SPATA13: variants seen among roughly 807,000 people sequenced by gnomAD.
The protein encoded by SPATA13 is spermatogenesis-associated protein 13.
Under a neutral mutation model 104.0 loss-of-function variants are expected in SPATA13, and 50 were observed. The observed-to-expected ratio is 0.48, with a 90% confidence interval of 0.38 to 0.61. The LOEUF (loss-of-function observed/expected upper bound fraction) is 0.61. Among genes scored for constraint, SPATA13 ranks in the 20% least tolerant of loss-of-function variants. The pLI is 0.00. For missense variants in SPATA13, 1,524 were observed against 1,690.6 expected (o/e 0.90, Z 1.73); for synonymous variants, 606 against 667.5 (o/e 0.91, Z 1.42).
chr13:23,983,249 C>T (rs918414802), intron 1 of SPATA13, among the ~76,000 whole-genome samples: 3 of 152,120 alleles, frequency 2.0e-5, no homozygotes, highest in Non-Finnish European at 2.9e-5. Context: ...TTTCTGACGC[C>T]GCGCTCCTTG....
intron 4 of SPATA13, among the ~76,000 whole-genome samples, chr13:24,268,742 G>C (rs1392266505): frequency 6.6e-6 from 1 of 152,212 alleles, no homozygotes; most frequent in Non-Finnish European, 1.5e-5. Context: ...CTGAGTGACA[G>C]AGCAAGACTC....
At chr13:24,301,646 C>T (rs893661766) in intron 12 of SPATA13, among the ~76,000 whole-genome samples, 11 of 152,178 alleles carry the variant, frequency 7.2e-5, no homozygotes, top group Admixed American at 2.0e-4. Flanking sequence ...CCTGCCACCT[C>T]GGGAGGTAGG....
At chr13:24,292,535 T>C (rs375319934) in intron 9 of SPATA13, among the ~76,000 whole-genome samples, 22 of 152,094 alleles carry the variant, frequency 1.4e-4, no homozygotes, top group African/African-American at 5.1e-4. Context: ...TCTCAAAGGG[T>C]CCTAATGAGA....
chr13:24,279,982 G>GT (rs1457407384), intron 4 of SPATA13, among the ~76,000 whole-genome samples: 1 of 152,212 alleles, frequency 6.6e-6, no homozygotes, highest in Non-Finnish European at 1.5e-5. Flanking sequence ...AACCTCTCTT[G>GT]TGATTAACCT....
chr13:24,127,886 C>G (rs1036203760), intron 3 of SPATA13, among the ~76,000 whole-genome samples: 2 of 152,164 alleles, frequency 1.3e-5, no homozygotes, highest in Non-Finnish European at 2.9e-5. Context: ...CTCTTCCTAC[C>G]GAATTGAGTT....
chr13:24,240,224 C>T (rs2138643013), intron 2 of SPATA13, among the ~76,000 whole-genome samples: 1 of 151,888 alleles, frequency 6.6e-6, no homozygotes, highest in Middle Eastern at 3.4e-3. Flanking sequence ...TGCACCACTG[C>T]ACTGCAGCCT....
At chr13:24,289,946 G>A (rs75989747) in intron 8 of SPATA13, among the ~76,000 whole-genome samples, 5,857 of 152,288 alleles carry the variant, frequency 0.038, 158 homozygotes, top group Non-Finnish European at 0.055. Context: ...TTAAGTGGCT[G>A]GGCATAATGT....
chr13:24,111,170 A>G (rs958502865), intron 3 of SPATA13, among the ~76,000 whole-genome samples: 1 of 151,952 alleles, frequency 6.6e-6, no homozygotes. Flanking sequence ...TTGACCTCCC[A>G]AAGAGGCCAG....
intron 3 of SPATA13, among the ~76,000 whole-genome samples, chr13:24,091,573 G>T (rs1433681775): frequency 6.6e-6 from 1 of 152,204 alleles, no homozygotes; most frequent in Non-Finnish European, 1.5e-5. Flanking sequence ...CCTTTGGGAG[G>T]CCAAGGCAGG....
chr13:24,105,226 G>C (rs1340386686), intron 3 of SPATA13, among the ~76,000 whole-genome samples: 1 of 152,080 alleles, frequency 6.6e-6, no homozygotes, highest in Non-Finnish European at 1.5e-5. Context: ...AGGCTCGATG[G>C]ATTTTCCCAC....
chr13:24,157,990 G>A (rs12585569), upstream of SPATA13, among the ~76,000 whole-genome samples: 57 of 152,296 alleles, frequency 3.7e-4, no homozygotes, highest in East Asian at 0.01. Context: ...TGTAAACAAC[G>A]TGGCATAAGT....
chr13:24,272,565 C>T (rs1372166379), intron 4 of SPATA13: 1 of 152,254 alleles, frequency 6.6e-6, no homozygotes, highest in East Asian at 1.9e-4. Context: ...CTCTGAAAGA[C>T]CCTGAGGGAC....
chr13:24,151,925 G>A (rs912960773), intron 3 of SPATA13, among the ~76,000 whole-genome samples: 5 of 152,180 alleles, frequency 3.3e-5, no homozygotes, highest in African/African-American at 1.2e-4. Flanking sequence ...TATTGCCCAG[G>A]ATGAGGGCTG....
intron 3 of SPATA13, among the ~76,000 whole-genome samples, chr13:24,137,843 G>A (rs182970480): frequency 6.6e-6 from 1 of 152,272 alleles, no homozygotes. Flanking sequence ...CGTCATCAGA[G>A]GTTAGGACAT....
chr13:24,119,705 C>A (rs1001179288), intron 3 of SPATA13, among the ~76,000 whole-genome samples: 1 of 152,142 alleles, frequency 6.6e-6, no homozygotes, highest in Non-Finnish European at 1.5e-5. Flanking sequence ...GAACTCCTTG[C>A]GGTGAGGGTC....
Position 23,992,036 on chromosome 13 carries a change from A to G in SPATA13, c.-147+8103A>G, listed in dbSNP as rs150662314. Among the ~76,000 whole-genome samples the G allele has an allele frequency of 2.8e-3, 424 of 152,338 alleles. 2 individuals carry two copies. Among genetic ancestry groups the G allele is most frequent in the African/African-American group, 9.7e-3 (405 of 41,586 alleles). Reference sequence around the variant, plus strand: ...CCAAGCCCTCTGCTAAATATTTCACATGGATTATTTTATGTAACCCTCACA... The same window carrying G: ...CCAAGCCCTCTGCTAAATATTTCACGTGGATTATTTTATGTAACCCTCACA... On this transcript the variant is annotated intron_variant, in intron 2 of 14. Coordinates refer to the SPATA13 transcript ENST00000424834.
intron 3 of SPATA13, among the ~76,000 whole-genome samples, chr13:24,094,018 G>C (rs1879990830): frequency 6.6e-6 from 1 of 152,218 alleles, no homozygotes; most frequent in Non-Finnish European, 1.5e-5. Flanking sequence ...GTAAACAGTA[G>C]ATGTCAGCAT....
intron 3 of SPATA13, 116 bp downstream of exon 3, chr13:24,249,958 C>CA: frequency 7.3e-7 from 1 of 1,373,538 alleles, no homozygotes. Flanking sequence ...AGGGCGGCAC[C>CA]ATGTACTTAA....
chr13:24,052,661 AG>A (rs1338819290), intron 3 of SPATA13, among the ~76,000 whole-genome samples: 1 of 151,918 alleles, frequency 6.6e-6, no homozygotes, highest in Admixed American at 6.5e-5. Context: ...TGTGAGTTTA[AG>A]GACTCTTTGG....
Sources: gnomAD v4.1 joint callset for allele counts (sites outside exome capture counted in the v4.1 genomes callset) on GRCh38, gnomAD v4.1.1 for gene constraint, MANE v1.5 for transcripts, NCBI Gene and HGNC (gene_info 2026-07-23, HGNC 2026-07-21) for gene names.